The following ZSCAN25 variants were observed in gnomAD, a reference collection of about 807,000 sequenced individuals.
ZSCAN25 encodes zinc finger and SCAN domain-containing protein 25.
Under a neutral mutation model 38.7 loss-of-function variants are expected in ZSCAN25, and 27 were observed. That is an observed-to-expected ratio of 0.70 (90% confidence interval 0.51 to 0.96). ZSCAN25 has a LOEUF of 0.96. ZSCAN25 is among the 40% of genes least tolerant of loss of function. The pLI, the probability that ZSCAN25 is intolerant of heterozygous loss-of-function variation, is 0.00. For synonymous variants in ZSCAN25, 273 were observed against 277.7 expected (o/e 0.98, Z 0.17); for missense variants, 637 against 705.9 (o/e 0.90, Z 1.11).
downstream of ZSCAN25, among the ~76,000 whole-genome samples, chr7:99,635,391 T>C (rs1424164772): frequency 6.6e-6 from 1 of 152,204 alleles, no homozygotes; most frequent in Non-Finnish European, 1.5e-5. Context: ...TCTTATTTTT[T>C]CAATTCTTAG....
At chr7:99,618,055 C>G (rs1407538603) in intron 1 of ZSCAN25, 1 of 152,214 alleles carries the variant, frequency 6.6e-6, no homozygotes, top group Non-Finnish European at 1.5e-5. Context: ...GAATATTTAG[C>G]AGAAGCTTTG....
the ZSCAN25 span, chr7:99,663,207 C>T: frequency 9.2e-7 from 1 of 1,088,844 alleles, no homozygotes; most frequent in Non-Finnish European, 1.1e-6. Context: ...AACTGCTTAC[C>T]CAGGAAGAAG....
At chr7:99,660,075 C>T in the ZSCAN25 span, 6 of 428,676 alleles carry the variant, frequency 1.4e-5, no homozygotes, top group Non-Finnish European at 1.2e-5. Context: ...CACTGTCCTG[C>T]ACCCACTCTC....
chr7:99,643,012 T>A, the ZSCAN25 span, among the ~76,000 whole-genome samples: 1 of 152,242 alleles, frequency 6.6e-6, no homozygotes. Context: ...TTCTTGAGGA[T>A]ACTTTTACTT....
chr7:99,643,349 T>C, the ZSCAN25 span, among the ~76,000 whole-genome samples: 1 of 152,172 alleles, frequency 6.6e-6, no homozygotes, highest in Non-Finnish European at 1.5e-5. Flanking sequence ...TAGAAGCCTG[T>C]GAGCCGGAAA....
chr7:99,622,475 A>G lies in ZSCAN25; in HGVS notation c.590-74A>G. On this transcript the variant is annotated intron_variant, in intron 5 of 7. Transcript: ENST00000394152. ...TGAGGTTGTGAGCATCTGGTAGGGG[A>G]CACATTTGAACGAGCTAACAGCATA... is the stretch of plus-strand genomic sequence containing the variant. The G allele has an allele frequency of 2.2e-6, 3 of 1,361,314 alleles. No homozygotes were observed. The East Asian group carries it at 6.9e-5, about 31-fold the overall frequency. The allele number at this position is 1,361,314 out of a possible 1,614,324, so 84.3% of individuals were successfully genotyped here.
chr7:99,710,507 A>G, the ZSCAN25 span, among the ~76,000 whole-genome samples: 2 of 152,216 alleles, frequency 1.3e-5, no homozygotes, highest in African/African-American at 4.8e-5. Flanking sequence ...GTGGTAACAG[A>G]AAGCAGATGA....
At chr7:99,707,829 G>A in the ZSCAN25 span, 41 of 1,613,752 alleles carry the variant, frequency 2.5e-5, no homozygotes, top group Middle Eastern at 6.6e-4. Flanking sequence ...TCTTTACAAG[G>A]TTTGAAGGAG....
the ZSCAN25 span, among the ~76,000 whole-genome samples, chr7:99,689,922 C>G: frequency 6.6e-6 from 1 of 152,320 alleles, no homozygotes; most frequent in Non-Finnish European, 1.5e-5. Flanking sequence ...CTACCAATGA[C>G]TTTCTTCACA....
chr7:99,715,587 T>C, the ZSCAN25 span: 2 of 1,188,840 alleles, frequency 1.7e-6, no homozygotes, highest in Non-Finnish European at 2.4e-6. Flanking sequence ...GTTTCTAGAA[T>C]GACAGAAGTG....
the ZSCAN25 span, chr7:99,663,941 C>A: frequency 6.4e-7 from 1 of 1,560,226 alleles, no homozygotes; most frequent in Non-Finnish European, 8.6e-7. Context: ...ACCTAAACAT[C>A]GTCATTTAAC....
chr7:99,710,255 T>A, the ZSCAN25 span, among the ~76,000 whole-genome samples: 1 of 152,134 alleles, frequency 6.6e-6, no homozygotes, highest in Non-Finnish European at 1.5e-5. Flanking sequence ...AGCTCAGAAG[T>A]CAGATACCCT....
chr7:99,676,123 A>G, the ZSCAN25 span: 27 of 1,613,508 alleles, frequency 1.7e-5, no homozygotes, highest in Non-Finnish European at 2.0e-5. Flanking sequence ...ACCTGACGAT[A>G]GGACAAAACA....
chr7:99,683,088 C>A, the ZSCAN25 span, among the ~76,000 whole-genome samples: 3 of 152,234 alleles, frequency 2.0e-5, no homozygotes, highest in Middle Eastern at 3.4e-3. Flanking sequence ...TTTCAAATAT[C>A]ATTTCCAAAC....
At chr7:99,682,488 C>T in the ZSCAN25 span, among the ~76,000 whole-genome samples, 10 of 152,154 alleles carry the variant, frequency 6.6e-5, no homozygotes, top group African/African-American at 2.4e-4. Flanking sequence ...TGGTCTGTGT[C>T]TGTTTTTATA....
At chr7:99,708,774 C>T in the ZSCAN25 span, among the ~76,000 whole-genome samples, 3 of 152,124 alleles carry the variant, frequency 2.0e-5, no homozygotes, top group Non-Finnish European at 2.9e-5. Context: ...AGAGTCCTTA[C>T]ATTTTGGACA....
the ZSCAN25 span, chr7:99,695,705 C>A: frequency 6.4e-7 from 1 of 1,553,396 alleles, no homozygotes; most frequent in South Asian, 1.1e-5. Flanking sequence ...GCTGCTCTCT[C>A]CAATCATAAG....
chr7:99,621,336 A>G, intron 4 of ZSCAN25, 37 bp from the exon 5 acceptor site: 1 of 1,324,344 alleles, frequency 7.6e-7, no homozygotes, highest in South Asian at 2.8e-5. Flanking sequence ...AGCCTTGCCC[A>G]GGCCTCATTC....
At chr7:99,709,048 A>G in the ZSCAN25 span, 1 of 1,613,990 alleles carries the variant, frequency 6.2e-7, no homozygotes. Flanking sequence ...TCAGGGAGGA[A>G]CTTCTCAGGC....
Sources: allele counts gnomAD v4.1 joint callset (sites outside exome capture counted in the v4.1 genomes callset), GRCh38; gene constraint gnomAD v4.1.1; transcripts MANE v1.5; gene names NCBI Gene and HGNC (gene_info 2026-07-23, HGNC 2026-07-21).